Variants in SOHLH1 observed in about 807,000 individuals in gnomAD.
SOHLH1 encodes spermatogenesis and oogenesis specific basic helix-loop-helix 1, also known as spermatogenesis- and oogenesis-specific basic helix-loop-helix-containing protein 1.
Under a neutral mutation model 36.2 loss-of-function variants are expected in SOHLH1, and 23 were observed. The observed-to-expected ratio is 0.64, with a 90% CI of 0.46 to 0.90. The LOEUF (loss-of-function observed/expected upper bound fraction) is 0.90. Among genes scored for constraint, SOHLH1 ranks in the 40% least tolerant of loss-of-function variants. The pLI is 0.00. For missense variants in SOHLH1, 608 were observed against 517.0 expected (o/e 1.18, Z -1.71); for synonymous variants, 289 against 228.3 (o/e 1.27, Z -2.40).
Position 135,699,153 on chromosome 9 carries a change from C to A in SOHLH1, c.66-27G>T, listed in dbSNP as rs535754215. 2.7e-5 allele frequency: 42 copies of A among 1,570,538 alleles called. No individual in the cohort carries two copies. In the East Asian group the frequency reaches 9.5e-4, roughly 36 times the overall value. ...TGCCGAGAAAGCCAAGAGCACCGGG[C>A]CCTGAGAACCCCAGAAAAGGCCACC... On this transcript the variant is annotated intron_variant, in intron 1 of 7. Coordinates refer to ENST00000425225, the MANE Select transcript of SOHLH1 (RefSeq NM_001101677.2).
In SOHLH1 at chr9:135,694,553, G is replaced by A. The variant is rs755274489; in HGVS notation, c.876-96C>T. 7 of 1,509,604 alleles carry A rather than the reference G, an allele frequency of 4.6e-6. No homozygotes were observed. In the South Asian group the frequency reaches 4.7e-5, roughly 10 times the overall value. 93.5% of individuals were successfully genotyped at this position (1,509,604 alleles called of 1,614,324 possible). Reference sequence around the variant, plus strand: ...GCCCAAGTCCTGCAAAGGCAGCTTCGAATGCAAAGATCTAGGCACCACTCC... The same window carrying A: ...GCCCAAGTCCTGCAAAGGCAGCTTCAAATGCAAAGATCTAGGCACCACTCC... On this transcript the variant is annotated intron_variant, in intron 6 of 7. Coordinates refer to ENST00000425225, the MANE Select transcript of SOHLH1 (RefSeq NM_001101677.2).
At chr9:135,699,310 G>T in intron 1 of SOHLH1, 93 bp downstream of exon 1, 1 of 1,505,132 alleles carries the variant, frequency 6.6e-7, no homozygotes, top group Non-Finnish European at 9.1e-7. Context: ...GCCCCAGGAG[G>T]CCCAGGATGG....
chr9:135,699,769 C>G (rs1834971080), upstream of SOHLH1, among the ~76,000 whole-genome samples: 1 of 152,086 alleles, frequency 6.6e-6, no homozygotes, highest in Non-Finnish European at 1.5e-5. Flanking sequence ...TCTACCCTTA[C>G]CTTCCCGGGG....
At chr9:135,698,087 C>T (rs776574752) in intron 3 of SOHLH1, among the ~76,000 whole-genome samples, 4 of 152,152 alleles carry the variant, frequency 2.6e-5, no homozygotes, top group African/African-American at 4.8e-5. Flanking sequence ...CATCAATGAA[C>T]AGGACTCAGG....
chr9:135,695,117 G>A lies in SOHLH1; in HGVS notation c.808C>T (p.Leu270=). The change falls in exon 6 of 8, where the codon CTG becomes TTG. Residue 270 remains leucine, a synonymous_variant. Coordinates refer to ENST00000425225, the MANE Select transcript of SOHLH1 (RefSeq NM_001101677.2). The stretch of plus-strand genomic sequence containing the variant: ...CCCAGAGGTGCAGCCCCCATGGCCA[G>A]GGGCCCAGCCTGGCCCAGCCAGCCA... ...ALGWLGQAGP[L]AMGAAPLGEP... 2 of 1,596,674 alleles carry A rather than the reference G, an allele frequency of 1.3e-6. No individual in the cohort carries two copies. The highest frequency in any genetic ancestry group is 8.5e-7 in the Non-Finnish European group (1 of 1,173,926).
upstream of SOHLH1, among the ~76,000 whole-genome samples, chr9:135,700,763 A>G (rs539891567): frequency 4.6e-5 from 7 of 152,250 alleles, no homozygotes; most frequent in Non-Finnish European, 8.8e-5. Context: ...TGCAGGTCAG[A>G]CATGGAGGAG....
intron 1 of SOHLH1, 73 bp from the exon 2 acceptor site, chr9:135,699,199 T>C: frequency 6.5e-7 from 1 of 1,545,756 alleles, no homozygotes. Flanking sequence ...GATGCCAGAA[T>C]GGGCGTCTTT....
At chr9:135,696,985 C>T (rs560976578) in intron 4 of SOHLH1, among the ~76,000 whole-genome samples, 180 bp from the exon 5 acceptor site, 1 of 152,296 alleles carries the variant, frequency 6.6e-6, no homozygotes, top group African/African-American at 2.4e-5. Context: ...GCTGTCTACC[C>T]AGTTTCCCTC....
In SOHLH1 at chr9:135,698,467, C is replaced by A; in HGVS notation, c.207G>T (p.Met69Ile). The A allele has an allele frequency of 1.2e-6, 2 of 1,613,190 alleles. No homozygotes were observed. Among genetic ancestry groups the A allele is most frequent in the South Asian group, 2.2e-5 (2 of 91,090 alleles). Reference protein sequence around the residue: ...VISERERRKRMSLSCERLRAL... With the variant: ...VISERERRKRISLSCERLRAL... ...CCCGCAGACGCTCACAGCTCAACGA[C>A]ATCCGCTTCCTGGTTCCGGTCAAGA... The change falls in exon 3 of 8, where the codon ATG becomes ATT. Residue 69 changes from methionine (M) to isoleucine (I), a missense_variant. Transcript: ENST00000425225.
intron 1 of SOHLH1, 107 bp downstream of exon 1, chr9:135,699,295 GC>G (rs1834942141): frequency 1.6e-5 from 24 of 1,498,482 alleles, no homozygotes; most frequent in Non-Finnish European, 2.2e-5. Flanking sequence ...AGGGTCCAGG[GC>G]TCCGCCCCAG....
At chr9:135,697,467 T>C (rs1834849767) in intron 4 of SOHLH1, 39 bp downstream of exon 4, 1 of 1,597,312 alleles carries the variant, frequency 6.3e-7, no homozygotes, top group Non-Finnish European at 8.5e-7. Flanking sequence ...GCTCCCAGGG[T>C]CACCCAGCCC....
chr9:135,699,945 C>T (rs967930763), upstream of SOHLH1, among the ~76,000 whole-genome samples: 1 of 151,540 alleles, frequency 6.6e-6, no homozygotes, highest in Non-Finnish European at 1.5e-5. Context: ...GAAGGGTACC[C>T]GCCTGCTCCC....
rs531443994 is a variant in SOHLH1 at position 135,698,969 on chromosome 9, C to T, written c.197+26G>A. The T allele has an allele frequency of 7.4e-6, 12 of 1,611,164 alleles. No individual in the cohort carries two copies. The South Asian group carries it at 1.1e-4, about 15-fold the overall frequency. On this transcript the variant is annotated intron_variant, in intron 2 of 7. Transcript: ENST00000425225. ...CCGCTCCACCCCTTTACAGCGCCCTCACCCCTGGGAGGCACCACCACTCAC... is the reference window on the plus strand; with the variant it reads ...CCGCTCCACCCCTTTACAGCGCCCTTACCCCTGGGAGGCACCACCACTCAC...
chr9:135,696,948 G>A (rs1834827857), intron 4 of SOHLH1, 143 bp from the exon 5 acceptor site: 1 of 949,156 alleles, frequency 1.1e-6, no homozygotes, highest in Non-Finnish European at 1.6e-6. Context: ...CCTCTGCCCA[G>A]GGGCCCTGGG....
chr9:135,693,858 G>A (rs1834687698), intron 7 of SOHLH1, 44 bp from the exon 8 acceptor site: 25 of 1,522,492 alleles, frequency 1.6e-5, no homozygotes, highest in Non-Finnish European at 2.1e-5. Flanking sequence ...CAGGTGCTCT[G>A]GGAGCTTGAG....
At chr9:135,701,567 A>G (rs1835035952), upstream of SOHLH1, among the ~76,000 whole-genome samples, 1 of 152,162 alleles carries the variant, frequency 6.6e-6, no homozygotes, top group African/African-American at 2.4e-5. Context: ...GGCCTGCAGC[A>G]TCTTAAGTTG....
chr9:135,701,202 T>C (rs558260705), upstream of SOHLH1, among the ~76,000 whole-genome samples: 77 of 152,264 alleles, frequency 5.1e-4, no homozygotes, highest in African/African-American at 1.8e-3. Flanking sequence ...GGACTTAGCA[T>C]CCTAGACTTC....
chr9:135,694,113 C>T (rs1834696814), intron 7 of SOHLH1: 4 of 1,429,672 alleles, frequency 2.8e-6, no homozygotes, highest in Non-Finnish European at 3.6e-6. Context: ...AGGGGCCTCG[C>T]TGACACAGGG....
rs754140330 is a variant in SOHLH1 at position 135,699,055 on chromosome 9, G to C, written c.137C>G (p.Thr46Arg). The C allele has an allele frequency of 7.4e-6, 12 of 1,611,158 alleles. No homozygotes were observed. In the Admixed American group the frequency reaches 1.8e-4, roughly 25 times the overall value. The change falls in exon 2 of 8, where the codon ACG becomes AGG. Residue 46 changes from threonine (T) to arginine (R), a missense_variant. Transcript: ENST00000425225. ...ARGSGPPKAP[T>R]VAEGPSSCLR... ...GCAGGAGCTGGGACCCTCGGCCACC[G>C]TAGGGGCCTTGGGCGGGCCCGAGCC...
Sources: gnomAD v4.1 joint callset for allele counts (sites outside exome capture counted in the v4.1 genomes callset) on GRCh38, gnomAD v4.1.1 for gene constraint, MANE v1.5 for transcripts, NCBI Gene and HGNC (gene_info 2026-07-23, HGNC 2026-07-21) for gene names.